TSHZ2: variants seen among roughly 807,000 people sequenced by gnomAD.
TSHZ2 encodes the protein teashirt zinc finger homeobox 2.
TSHZ2 carries 21 observed loss-of-function variants against 74.4 expected under a neutral mutation model. The ratio of observed to expected loss-of-function variants is 0.28; its 90% CI spans 0.20 to 0.41. The LOEUF is 0.41. Ranked by LOEUF, TSHZ2 falls within the 10% of genes least tolerant of loss-of-function variation. TSHZ2 has a pLI of 1.00. For missense variants in TSHZ2, 1,244 were observed against 1,293.5 expected (o/e 0.96, Z 0.59); for synonymous variants, 540 against 515.3 (o/e 1.05, Z -0.65).
At chr20:53,365,608 G>C (rs887095845) in intron 2 of TSHZ2, among the ~76,000 whole-genome samples, 3 of 152,146 alleles carry the variant, frequency 2.0e-5, no homozygotes, top group Non-Finnish European at 4.4e-5. Flanking sequence ...CAAAGCAAAG[G>C]TGTGGTCCCC....
At chr20:53,219,997 A>G (rs967303458) in intron 1 of TSHZ2, among the ~76,000 whole-genome samples, 2 of 152,186 alleles carry the variant, frequency 1.3e-5, no homozygotes, top group African/African-American at 2.4e-5. Flanking sequence ...GAGAGCTAGC[A>G]TTCACATCCA....
At chr20:52,985,940 G>A (rs2122894437) in intron 1 of TSHZ2, among the ~76,000 whole-genome samples, 1 of 152,312 alleles carries the variant, frequency 6.6e-6, no homozygotes, top group South Asian at 2.1e-4. Flanking sequence ...GAGTCATGTA[G>A]TGAAAGTAAT....
At chr20:53,029,224 CTA>C (rs1217345566) in intron 1 of TSHZ2, among the ~76,000 whole-genome samples, 2 of 152,142 alleles carry the variant, frequency 1.3e-5, no homozygotes, top group Non-Finnish European at 2.9e-5. Context: ...TCGTTTTCCT[CTA>C]TAGCTTTACC....
chr20:53,066,845 AC>A (rs1181118850), intron 1 of TSHZ2, among the ~76,000 whole-genome samples: 6 of 152,042 alleles, frequency 3.9e-5, no homozygotes, highest in Admixed American at 3.9e-4. Context: ...AAGTCCCCAA[AC>A]CAAGACTAAG....
chr20:53,161,130 C>CAAAA lies in TSHZ2; in HGVS notation c.41-92349_41-92346dup, dbSNP rs368626161. The stretch of plus-strand genomic sequence containing the variant: ...AGAAACCAACTCTGGTTATTTTCAG[C>CAAAA]AAAAAAAAAAAAAAAAAAAAAAATA... On this transcript the variant is annotated intron_variant, in intron 1 of 2. Coordinates refer to ENST00000371497, the MANE Select transcript of TSHZ2 (RefSeq NM_173485.6). Among the ~76,000 whole-genome samples, 122 of 67,824 alleles carry CAAAA rather than the reference C, an allele frequency of 1.8e-3. 7 individuals carry two copies. The highest frequency in any genetic ancestry group is 4.7e-3 in the African/African-American group (78 of 16,446). 44.5% of individuals were successfully genotyped at this position (67,824 alleles called of 152,430 possible).
intron 1 of TSHZ2, among the ~76,000 whole-genome samples, chr20:53,119,443 G>A (rs183584020): frequency 4.6e-5 from 7 of 152,300 alleles, no homozygotes; most frequent in Admixed American, 4.6e-4. Flanking sequence ...AGCAAGAGAG[G>A]TCAAGTTCAT....
intron 2 of TSHZ2, chr20:53,401,149 C>T (rs156603): frequency 0.083 from 12,587 of 152,126 alleles, 613 homozygotes; most frequent in African/African-American, 0.094. Context: ...GTGCCTGAGG[C>T]GGTGCTCTGT....
At chr20:53,410,957 G>A (rs1983035808) in intron 2 of TSHZ2, among the ~76,000 whole-genome samples, 1 of 152,168 alleles carries the variant, frequency 6.6e-6, no homozygotes, top group Non-Finnish European at 1.5e-5. Flanking sequence ...TAACAGGCAT[G>A]AGCCACCATG....
At chr20:53,295,417 T>TGC (rs762464277) in intron 2 of TSHZ2, among the ~76,000 whole-genome samples, 1 of 141,972 alleles carries the variant, frequency 7.0e-6, no homozygotes, top group East Asian at 2.1e-4. Flanking sequence ...TATGTATACG[T>TGC]GTGTGTGTGT....
intron 2 of TSHZ2, among the ~76,000 whole-genome samples, chr20:53,349,996 G>A (rs1351767568): frequency 6.6e-6 from 1 of 152,114 alleles, no homozygotes; most frequent in Non-Finnish European, 1.5e-5. Context: ...TGGCTCAGGG[G>A]CCTCTTCCTT....
At chr20:53,222,751 G>T (rs747545615) in intron 1 of TSHZ2, among the ~76,000 whole-genome samples, 7 of 152,162 alleles carry the variant, frequency 4.6e-5, no homozygotes, top group African/African-American at 1.7e-4. Flanking sequence ...CTAATATGAG[G>T]CTTAGCCACA....
At chr20:53,008,990 TCTCTCTCTCTCTCTCTCTCTCTCTC>T (rs1272730147) in intron 1 of TSHZ2, among the ~76,000 whole-genome samples, 8 of 25,622 alleles carry the variant, frequency 3.1e-4, no homozygotes, top group African/African-American at 5.9e-4. Context: ...CCTCTCTCTC[TCTCTCTCTCTCTCTCTCTCTCTCTC>T]TCTCTCTCTC....
chr20:53,468,885 A>G (rs1193891400), intron 2 of TSHZ2, among the ~76,000 whole-genome samples: 2 of 149,648 alleles, frequency 1.3e-5, no homozygotes, highest in East Asian at 3.9e-4. Context: ...CTATATTTAA[A>G]TGTTCCAAGC....
At chr20:53,472,887 A>G (rs899368810) in intron 2 of TSHZ2, among the ~76,000 whole-genome samples, 1 of 152,116 alleles carries the variant, frequency 6.6e-6, no homozygotes, top group Admixed American at 6.5e-5. Context: ...AGTCAAAGAA[A>G]GGGGTGACGG....
chr20:53,321,998 A>G (rs1163270971), intron 2 of TSHZ2, among the ~76,000 whole-genome samples: 1 of 152,136 alleles, frequency 6.6e-6, no homozygotes, highest in Non-Finnish European at 1.5e-5. Context: ...GACAGGTGGT[A>G]AAAGGAGGCA....
intron 2 of TSHZ2, among the ~76,000 whole-genome samples, chr20:53,416,929 C>T (rs1983275188): frequency 6.6e-6 from 1 of 152,212 alleles, no homozygotes; most frequent in African/African-American, 2.4e-5. Flanking sequence ...AGGCTGATCT[C>T]AGGGGAGCCC....
intron 1 of TSHZ2, among the ~76,000 whole-genome samples, chr20:53,082,243 G>T (rs1379414180): frequency 6.6e-6 from 1 of 152,122 alleles, no homozygotes; most frequent in Non-Finnish European, 1.5e-5. Context: ...AATCCCCTTT[G>T]TACATACTAA....
intron 2 of TSHZ2, among the ~76,000 whole-genome samples, chr20:53,436,693 C>T (rs6097419): frequency 0.14 from 21,588 of 151,228 alleles, 2,512 homozygotes; most frequent in African/African-American, 0.33. Context: ...TTACAGTCAT[C>T]TTCCACCACG....
chr20:53,096,015 C>A (rs1986031821), intron 1 of TSHZ2, among the ~76,000 whole-genome samples: 1 of 152,178 alleles, frequency 6.6e-6, no homozygotes, highest in African/African-American at 2.4e-5. Context: ...GTTGTCAGAA[C>A]CCCAAAGGGC....
Sources: allele counts gnomAD v4.1 joint callset (sites outside exome capture counted in the v4.1 genomes callset), GRCh38; gene constraint gnomAD v4.1.1; transcripts MANE v1.5; gene names NCBI Gene and HGNC (gene_info 2026-07-23, HGNC 2026-07-21).